Variants in FAM210A observed in about 807,000 individuals in gnomAD.
FAM210A encodes the protein mitochondrial inner membrane scaffold 1.
A neutral mutation model predicts 25.3 loss-of-function variants in FAM210A; 13 were observed. The ratio of observed to expected loss-of-function variants is 0.51; its 90% CI spans 0.33 to 0.82. FAM210A has a LOEUF of 0.82. Ranked by LOEUF, FAM210A falls within the 40% of genes least tolerant of loss-of-function variation. The pLI is 0.02. For synonymous variants in FAM210A, 125 were observed against 118.7 expected (o/e 1.05, Z -0.35); for missense variants, 319 against 323.2 (o/e 0.99, Z 0.10).
At chr18:13,702,684 G>T (rs1224529598) in intron 1 of FAM210A, among the ~76,000 whole-genome samples, 4 of 152,190 alleles carry the variant, frequency 2.6e-5, no homozygotes, top group African/African-American at 9.7e-5. Context: ...GGGCAATGGA[G>T]GCTGCCCAGT....
chr18:13,677,012 G>A (rs1453441397), intron 2 of FAM210A, among the ~76,000 whole-genome samples: 4 of 151,840 alleles, frequency 2.6e-5, no homozygotes, highest in Non-Finnish European at 4.4e-5. Flanking sequence ...TGGGAGCATC[G>A]GCAAGACTCA....
At chr18:13,706,163 T>C (rs2149066941) in intron 1 of FAM210A, among the ~76,000 whole-genome samples, 1 of 152,270 alleles carries the variant, frequency 6.6e-6, no homozygotes, top group South Asian at 2.1e-4. Flanking sequence ...CTCCACAATC[T>C]TGGAACTGTA....
intron 1 of FAM210A, chr18:13,715,174 G>C (rs1344384783): frequency 1.3e-5 from 2 of 152,132 alleles, no homozygotes; most frequent in East Asian, 1.9e-4. Flanking sequence ...CTGATCAGAT[G>C]AAAGTTTTGA....
intron 2 of FAM210A, among the ~76,000 whole-genome samples, chr18:13,680,210 A>T (rs2043540354): frequency 6.6e-6 from 1 of 152,264 alleles, no homozygotes; most frequent in African/African-American, 2.4e-5. Flanking sequence ...CTGAATGCCT[A>T]CAATAACTTT....
intron 1 of FAM210A, among the ~76,000 whole-genome samples, chr18:13,723,989 A>G (rs1240081726): frequency 1.3e-5 from 2 of 152,204 alleles, no homozygotes; most frequent in African/African-American, 2.4e-5. Context: ...TTGTTTCTAC[A>G]TTTTTAAAAC....
At chr18:13,714,710 G>A (rs1414187157) in intron 1 of FAM210A, among the ~76,000 whole-genome samples, 1 of 152,110 alleles carries the variant, frequency 6.6e-6, no homozygotes, top group Non-Finnish European at 1.5e-5. Context: ...CTGGATTACT[G>A]CTTTCTGTAT....
intron 1 of FAM210A, among the ~76,000 whole-genome samples, chr18:13,721,172 G>A (rs2043895173): frequency 6.6e-6 from 1 of 152,140 alleles, no homozygotes; most frequent in Admixed American, 6.5e-5. Context: ...ATGACATAGT[G>A]TTGGAAAGTT....
intron 1 of FAM210A, among the ~76,000 whole-genome samples, chr18:13,724,094 A>C (rs1377590642): frequency 2.6e-5 from 4 of 152,054 alleles, no homozygotes; most frequent in Non-Finnish European, 5.9e-5. Context: ...CTTTCTTACA[A>C]ATGGGTTGAA....
intron 1 of FAM210A, among the ~76,000 whole-genome samples, chr18:13,713,826 T>C (rs2043840281): frequency 6.6e-6 from 1 of 151,794 alleles, no homozygotes; most frequent in Non-Finnish European, 1.5e-5. Flanking sequence ...TCAAAACCTC[T>C]GACACCTGAC....
rs1472406523 is a variant in FAM210A at position 13,681,785 on chromosome 18, G to C, written c.293C>G (p.Ser98Cys). Residue 98 changes from serine to cysteine, a missense_variant, in exon 2 of 4, where the codon TCC becomes TGC. Coordinates refer to ENST00000651643, the MANE Select transcript of FAM210A (RefSeq NM_152352.4). ...CGGAGTTCCCTGAGCTGTGGCACTG[G>C]ATGAAAAAACCCTCCTGAATGAAAC... The part of the protein sequence containing the change: ...QHVSFRRVFS[S>C]SATAQGTPEK... The C allele has an allele frequency of 1.9e-6, 3 of 1,614,030 alleles. No homozygotes were observed. The African/African-American group carries it at 4.0e-5, about 22-fold the overall frequency.
chr18:13,684,894 A>G (rs1266885676), intron 1 of FAM210A, among the ~76,000 whole-genome samples: 1 of 152,222 alleles, frequency 6.6e-6, no homozygotes, highest in African/African-American at 2.4e-5. Context: ...AACCATTAAC[A>G]TAAAGATAGC....
chr18:13,705,632 C>G (rs1230732051), intron 1 of FAM210A, among the ~76,000 whole-genome samples: 1 of 152,046 alleles, frequency 6.6e-6, no homozygotes, highest in East Asian at 1.9e-4. Flanking sequence ...CCACCATGCC[C>G]AGCTAATTTT....
intron 1 of FAM210A, among the ~76,000 whole-genome samples, chr18:13,715,648 A>T (rs546985210): frequency 6.6e-5 from 10 of 152,358 alleles, no homozygotes; most frequent in Non-Finnish European, 1.5e-4. Context: ...CTGAACTTCA[A>T]GATATCACCA....
rs2043816807 is a variant in FAM210A at position 13,711,014 on chromosome 18, AAGT to A, written c.-29+15312_-29+15314del. On this transcript the variant is annotated intron_variant, in intron 1 of 3. Transcript: ENST00000651643. ...TTGTTGTATAGATATGCCATCAAGA[AAGT>A]AGGTCTTTATGTGATGTTTGCCCAA... 5.9e-5 allele frequency among the ~76,000 whole-genome samples: 9 copies of A among 152,218 alleles called. No individual in the cohort carries two copies. The South Asian group carries it at 1.9e-3, about 32-fold the overall frequency.
intron 1 of FAM210A, among the ~76,000 whole-genome samples, chr18:13,698,813 G>A (rs182462735): frequency 2.6e-5 from 4 of 152,190 alleles, no homozygotes; most frequent in East Asian, 3.9e-4. Flanking sequence ...AAGGCATACC[G>A]CCCAGACCCC....
intron 1 of FAM210A, among the ~76,000 whole-genome samples, chr18:13,692,339 A>C (rs1182654864): frequency 2.0e-5 from 3 of 152,146 alleles, no homozygotes; most frequent in African/African-American, 7.2e-5. Context: ...TAGACAGATC[A>C]ATGAGACAGA....
chr18:13,701,798 A>G (rs1405516168), intron 1 of FAM210A, among the ~76,000 whole-genome samples: 1 of 152,250 alleles, frequency 6.6e-6, no homozygotes, highest in African/African-American at 2.4e-5. Flanking sequence ...TATTATCCAG[A>G]TCCAAAGGAA....
At chr18:13,704,217 A>C (rs1233033104) in intron 1 of FAM210A, among the ~76,000 whole-genome samples, 1 of 152,212 alleles carries the variant, frequency 6.6e-6, no homozygotes, top group African/African-American at 2.4e-5. Flanking sequence ...GATTATAAGA[A>C]GGCATGGGAG....
Position 13,714,349 on chromosome 18 carries a change from T to C in FAM210A, c.-29+11980A>G, listed in dbSNP as rs113348434. Among the ~76,000 whole-genome samples the C allele has an allele frequency of 7.3e-3, 1,110 of 152,206 alleles. 12 individuals carry two copies. Among genetic ancestry groups the C allele is most frequent in the African/African-American group, 0.025 (1,055 of 41,516 alleles). On this transcript the variant is annotated intron_variant, in intron 1 of 3. Coordinates refer to ENST00000651643, the MANE Select transcript of FAM210A (RefSeq NM_152352.4). Reference sequence around the variant, plus strand: ...CCTTCGAAAGAAAAACTTCAGAGCATTGGAAAAGAAGATGGAAAGTCATTC... The same window carrying C: ...CCTTCGAAAGAAAAACTTCAGAGCACTGGAAAAGAAGATGGAAAGTCATTC...
Sources: allele counts gnomAD v4.1 joint callset (sites outside exome capture counted in the v4.1 genomes callset), GRCh38; gene constraint gnomAD v4.1.1; transcripts MANE v1.5; gene names NCBI Gene and HGNC (gene_info 2026-07-23, HGNC 2026-07-21).